Variants in DSCAML1 observed in about 807,000 individuals in gnomAD.
DSCAML1 encodes the protein DS cell adhesion molecule like 1, also known as cell adhesion molecule DSCAML1.
In DSCAML1, 38 loss-of-function variants were observed where a neutral mutation model predicts 200.5. The observed-to-expected ratio is 0.19, with a 90% CI of 0.15 to 0.25. The LOEUF is 0.25. DSCAML1 is among the 10% of genes least tolerant of loss of function. The pLI is 1.00. For missense variants in DSCAML1, 2,223 were observed against 2,858.8 expected, an observed-to-expected ratio of 0.78 and a Z score of 5.07; for synonymous variants, 1,215 against 1,165.0, an observed-to-expected ratio of 1.04 and a Z score of -0.87.
chr11:117,507,262 T>C (rs1438402283), intron 8 of DSCAML1, among the ~76,000 whole-genome samples: 1 of 151,856 alleles, frequency 6.6e-6, no homozygotes. Flanking sequence ...CCATGCACAG[T>C]CCTCTAGCCT....
At chr11:117,569,460 T>C (rs560709004) in intron 3 of DSCAML1, among the ~76,000 whole-genome samples, 13 of 152,338 alleles carry the variant, frequency 8.5e-5, no homozygotes, top group South Asian at 4.1e-4. Flanking sequence ...TTTTGTATTT[T>C]GTGTAGAGGT....
At chr11:117,647,324 G>T (rs1485647824) in intron 3 of DSCAML1, among the ~76,000 whole-genome samples, 1 of 152,202 alleles carries the variant, frequency 6.6e-6, no homozygotes, top group Non-Finnish European at 1.5e-5. Context: ...TCAGGCTAAT[G>T]AGCCAGGTGG....
At position 117,512,812 on chromosome 11, in the gene DSCAML1, T is replaced by TC. The variant is rs1259172225; in HGVS notation, c.1783+3654dup. 1.2e-3 allele frequency among the ~76,000 whole-genome samples: 117 copies of TC among 100,232 alleles called. 1 individual carries two copies. The highest frequency in any genetic ancestry group is 4.2e-3 in the African/African-American group (116 of 27,444). The allele number at this position is 100,232 out of a possible 152,430, so 65.8% of individuals were successfully genotyped here. On this transcript the variant is annotated intron_variant, in intron 8 of 32. Coordinates refer to ENST00000651296, the MANE Select transcript of DSCAML1 (RefSeq NM_020693.4). ...ACACACACACACACACCCCTCCCCTTCCCCCCACTTCCCTCCCTCTCCCTG... is the reference window on the plus strand; with the variant it reads ...ACACACACACACACACCCCTCCCCTTCCCCCCCACTTCCCTCCCTCTCCCTG...
chr11:117,725,207 G>A (rs577343295), intron 3 of DSCAML1, among the ~76,000 whole-genome samples: 331 of 152,290 alleles, frequency 2.2e-3, no homozygotes, highest in Non-Finnish European at 4.1e-3. Flanking sequence ...TGGACGGGAG[G>A]CAAGTTGGAT....
At chr11:117,555,883 T>A (rs2050550325) in intron 3 of DSCAML1, among the ~76,000 whole-genome samples, 1 of 149,464 alleles carries the variant, frequency 6.7e-6, no homozygotes. Flanking sequence ...TGGAGGGGGC[T>A]CTGAATGGAG....
intron 3 of DSCAML1, among the ~76,000 whole-genome samples, chr11:117,544,687 C>T (rs966973750): frequency 4.6e-5 from 7 of 152,134 alleles, no homozygotes; most frequent in African/African-American, 1.4e-4. Context: ...CTCAGTACCC[C>T]AGAGGGAGAT....
chr11:117,740,772 C>A (rs1254478650), intron 3 of DSCAML1, among the ~76,000 whole-genome samples: 1 of 152,352 alleles, frequency 6.6e-6, no homozygotes, highest in East Asian at 1.9e-4. Flanking sequence ...ATTTATTGTT[C>A]AAGAAATGAG....
chr11:117,514,064 C>T (rs377596477), intron 8 of DSCAML1, among the ~76,000 whole-genome samples: 21 of 152,340 alleles, frequency 1.4e-4, no homozygotes, highest in East Asian at 5.8e-4. Flanking sequence ...CTCTTGCTGC[C>T]GATAGTGTGT....
At chr11:117,688,114 G>A (rs2053436404) in intron 3 of DSCAML1, among the ~76,000 whole-genome samples, 1 of 152,206 alleles carries the variant, frequency 6.6e-6, no homozygotes, top group African/African-American at 2.4e-5. Flanking sequence ...AGAAGGGGAG[G>A]GAAGAATGGA....
intron 21 of DSCAML1, among the ~76,000 whole-genome samples, chr11:117,442,673 A>G (rs2048093030): frequency 6.6e-6 from 1 of 152,182 alleles, no homozygotes; most frequent in African/African-American, 2.4e-5. Context: ...AGCCTTCTGC[A>G]AAGATGCCCA....
At chr11:117,491,873 T>G (rs541912298) in intron 11 of DSCAML1, among the ~76,000 whole-genome samples, 1 of 152,190 alleles carries the variant, frequency 6.6e-6, no homozygotes, top group South Asian at 2.1e-4. Flanking sequence ...AAGCTGAGCT[T>G]CTCTGAAGAA....
intron 16 of DSCAML1, among the ~76,000 whole-genome samples, chr11:117,466,717 T>A (rs2048587775): frequency 6.6e-6 from 1 of 152,130 alleles, no homozygotes; most frequent in Non-Finnish European, 1.5e-5. Flanking sequence ...GGGGAGCTCA[T>A]GGTTCATGGG....
At chr11:117,668,607 G>A (rs990835804) in intron 3 of DSCAML1, 5 of 152,162 alleles carry the variant, frequency 3.3e-5, no homozygotes, top group African/African-American at 7.2e-5. Flanking sequence ...GTCCCTGAAC[G>A]GCACTGGGTT....
At chr11:117,467,089 G>A (rs1285322946) in intron 16 of DSCAML1, among the ~76,000 whole-genome samples, 13 of 148,996 alleles carry the variant, frequency 8.7e-5, no homozygotes, top group Non-Finnish European at 1.8e-4. Context: ...CAGGCGAATG[G>A]AGAAACTCCA....
chr11:117,709,690 T>A, intron 3 of DSCAML1: 1 of 455,190 alleles, frequency 2.2e-6, no homozygotes, highest in South Asian at 1.6e-5. Flanking sequence ...TTCTTTCTGG[T>A]TTCACTGGCT....
chr11:117,485,236 C>T (rs1373933448), intron 11 of DSCAML1, among the ~76,000 whole-genome samples: 1 of 152,184 alleles, frequency 6.6e-6, no homozygotes, highest in Non-Finnish European at 1.5e-5. Context: ...ACCTGCCTTT[C>T]TAGTCAGCTT....
At position 117,575,530 on chromosome 11, in the gene DSCAML1, TGTG is replaced by T. The variant is rs150469273; in HGVS notation, c.512-43011_512-43009del. Among the ~76,000 whole-genome samples, 367 of 152,352 alleles carry T rather than the reference TGTG, an allele frequency of 2.4e-3. 12 individuals are homozygous for T. The East Asian group carries it at 0.051, about 21-fold the overall frequency. ...TGGCATCTGGTTTGATAAAGCTTCT[TGTG>T]GTGATTTGCTGTATGGCTGGGGTTG... On this transcript the variant is annotated intron_variant, in intron 3 of 32. Transcript: ENST00000651296.
chr11:117,581,472 G>C (rs2051038858), intron 3 of DSCAML1, among the ~76,000 whole-genome samples: 1 of 152,020 alleles, frequency 6.6e-6, no homozygotes, highest in South Asian at 2.1e-4. Flanking sequence ...CCCAACCCCA[G>C]CTCCTGGCAA....
intron 3 of DSCAML1, among the ~76,000 whole-genome samples, chr11:117,554,716 C>T (rs540615432): frequency 2.6e-4 from 40 of 152,176 alleles, no homozygotes; most frequent in African/African-American, 9.6e-4. Flanking sequence ...CTCCTTTTTT[C>T]CTGCTGGAAA....
Sources: gnomAD v4.1 joint callset for allele counts (sites outside exome capture counted in the v4.1 genomes callset) on GRCh38, gnomAD v4.1.1 for gene constraint, MANE v1.5 for transcripts, NCBI Gene and HGNC (gene_info 2026-07-23, HGNC 2026-07-21) for gene names.